WSCD2: variants seen among roughly 807,000 people sequenced by gnomAD.
WSCD2 encodes WSC domain sialate O sulfotransferase 2, also known as sialate:O-sulfotransferase 2.
WSCD2 carries 28 observed loss-of-function variants against 55.7 expected under a neutral mutation model. That is an observed-to-expected ratio of 0.50 (90% CI 0.37 to 0.69). WSCD2 has a LOEUF of 0.69. WSCD2 is among the 30% of genes least tolerant of loss of function. The pLI is 0.00. For missense variants in WSCD2, 616 were observed against 762.1 expected (o/e 0.81, Z 2.26); for synonymous variants, 301 against 301.9 (o/e 1.00, Z 0.03).
chr12:108,211,785 C>T (rs1378022763), intron 4 of WSCD2, among the ~76,000 whole-genome samples: 1 of 150,236 alleles, frequency 6.7e-6, no homozygotes, highest in Admixed American at 6.6e-5. Context: ...TCCCAAGTAG[C>T]TGGGATTAGA....
intron 6 of WSCD2, among the ~76,000 whole-genome samples, chr12:108,229,677 C>CA (rs1396996730): frequency 1.3e-5 from 2 of 152,176 alleles, no homozygotes; most frequent in East Asian, 3.8e-4. Flanking sequence ...ATACTGCCTG[C>CA]AACAGTTGCT....
chr12:108,179,518 G>A (rs1362189315), intron 1 of WSCD2, among the ~76,000 whole-genome samples: 1 of 152,234 alleles, frequency 6.6e-6, no homozygotes. Context: ...AGACTTTAAA[G>A]ACCAGCTTGC....
At chr12:108,230,415 T>G (rs987188252) in intron 6 of WSCD2, among the ~76,000 whole-genome samples, 1 of 152,186 alleles carries the variant, frequency 6.6e-6, no homozygotes, top group African/African-American at 2.4e-5. Context: ...CAATCGATTC[T>G]GTGGGCAATT....
At chr12:108,207,002 C>A (rs1222917186) in intron 3 of WSCD2, among the ~76,000 whole-genome samples, 1 of 152,136 alleles carries the variant, frequency 6.6e-6, no homozygotes, top group Non-Finnish European at 1.5e-5. Flanking sequence ...TTGTTTTTCT[C>A]CAAGGGAGAA....
intron 8 of WSCD2, among the ~76,000 whole-genome samples, chr12:108,243,500 C>T (rs1889900729): frequency 6.6e-6 from 1 of 152,200 alleles, no homozygotes; most frequent in South Asian, 2.1e-4. Flanking sequence ...TCCCGAAGTG[C>T]TGGGATTACA....
At chr12:108,228,165 G>C (rs4964240) in intron 6 of WSCD2, among the ~76,000 whole-genome samples, 104,178 of 152,020 alleles carry the variant, frequency 0.69, 36,189 homozygotes, top group East Asian at 0.87. Context: ...ATCATGAAGG[G>C]TGGGTGGCAC....
intron 1 of WSCD2, among the ~76,000 whole-genome samples, chr12:108,132,810 A>G: frequency 6.6e-6 from 1 of 152,220 alleles, no homozygotes; most frequent in Non-Finnish European, 1.5e-5. Context: ...ACATGTGCAT[A>G]CAGCCATGTG....
At chr12:108,194,855 G>T (rs1167101188) in intron 1 of WSCD2, among the ~76,000 whole-genome samples, 1 of 152,170 alleles carries the variant, frequency 6.6e-6, no homozygotes, top group Non-Finnish European at 1.5e-5. Flanking sequence ...GAAAAAAAAT[G>T]AATGAATCTG....
intron 1 of WSCD2, among the ~76,000 whole-genome samples, chr12:108,145,212 C>G (rs977639495): frequency 2.0e-5 from 3 of 152,188 alleles, no homozygotes; most frequent in Non-Finnish European, 4.4e-5. Flanking sequence ...CACTCAACCC[C>G]CACCCCTCTT....
At chr12:108,144,650 G>A (rs1404213240) in intron 1 of WSCD2, among the ~76,000 whole-genome samples, 1 of 152,154 alleles carries the variant, frequency 6.6e-6, no homozygotes, top group African/African-American at 2.4e-5. Flanking sequence ...CCTTCTAGGT[G>A]TCAGGAGCAT....
In WSCD2 at chr12:108,249,162, G is replaced by A. The variant is rs1890288347; in HGVS notation, c.*819G>A. On this transcript the variant is annotated 3_prime_UTR_variant, in exon 9 of 9. Transcript: ENST00000547525. ...CGAGGATGGTCACATGCCATGTGCAGAATTTGACTTAAGAGAGAGCCCCAG... is the reference window on the plus strand; with the variant it reads ...CGAGGATGGTCACATGCCATGTGCAAAATTTGACTTAAGAGAGAGCCCCAG... 1 of 154,080 alleles carries A rather than the reference G, an allele frequency of 6.5e-6. No homozygotes were observed. Among genetic ancestry groups the A allele is most frequent in the African/African-American group, 2.4e-5 (1 of 41,478 alleles). 9.5% of individuals were successfully genotyped at this position (154,080 alleles called of 1,614,324 possible).
intron 4 of WSCD2, among the ~76,000 whole-genome samples, chr12:108,211,012 G>A (rs1251190328): frequency 1.3e-5 from 2 of 152,232 alleles, no homozygotes; most frequent in Non-Finnish European, 2.9e-5. Flanking sequence ...GGACTGGGGA[G>A]GAATGTTTAA....
chr12:108,161,741 T>C (rs1565925450), intron 1 of WSCD2, among the ~76,000 whole-genome samples: 1 of 152,330 alleles, frequency 6.6e-6, no homozygotes, highest in East Asian at 1.9e-4. Context: ...CTTGTTTTGT[T>C]ATTCCTATGA....
intron 4 of WSCD2, among the ~76,000 whole-genome samples, chr12:108,212,549 CA>C (rs1399449189): frequency 6.6e-6 from 1 of 151,808 alleles, no homozygotes; most frequent in Non-Finnish European, 1.5e-5. Context: ...TTCTCTCCCC[CA>C]CCTTCCTCCC....
At chr12:108,229,755 G>A (rs546386948) in intron 6 of WSCD2, among the ~76,000 whole-genome samples, 57 of 152,008 alleles carry the variant, frequency 3.7e-4, no homozygotes, top group African/African-American at 1.3e-3. Context: ...TTTTACCTTC[G>A]GGTTGGCCTT....
rs1193323025 is a variant in WSCD2, at chr12:108,227,311, TTA to T, written c.979+148_979+149del. The T allele has an allele frequency of 4.1e-6, 4 of 968,728 alleles. No homozygotes were observed. In the African/African-American group the frequency reaches 6.6e-5, roughly 16 times the overall value. 60.0% of individuals were successfully genotyped at this position (968,728 alleles called of 1,614,324 possible). A position where few individuals can be genotyped will look rare whatever the true frequency, so the allele number is the denominator to read the frequency against. The stretch of plus-strand genomic sequence containing the variant: ...GCAGGGCTGATGAACTCCACCAGGC[TTA>T]GAGTTCCTGGATGGGCAACAGAAGG... On this transcript the variant is annotated intron_variant, in intron 6 of 8. Coordinates refer to ENST00000547525, the MANE Select transcript of WSCD2 (RefSeq NM_014653.4).
Position 108,196,039 on chromosome 12 carries a change from C to T in WSCD2, c.207C>T (p.Asp69=), listed in dbSNP as rs771811964. 6.2e-7 allele frequency: 1 copy of T among 1,614,220 alleles called. No homozygotes were observed. Among genetic ancestry groups the T allele is most frequent in the East Asian group, 2.2e-5 (1 of 44,886 alleles). The change falls in exon 2 of 9, where the codon GAC becomes GAT. Residue 69 remains aspartate, a synonymous_variant. Transcript: ENST00000547525. ...AEGAELSFLG[D]MHLGRGFRDT... ...GTGCTGAGCTGTCCTTCTTGGGTGACATGCATCTGGGCAGAGGTTTCCGGG... is the reference window on the plus strand; with the variant it reads ...GTGCTGAGCTGTCCTTCTTGGGTGATATGCATCTGGGCAGAGGTTTCCGGG...
intron 4 of WSCD2, among the ~76,000 whole-genome samples, chr12:108,214,877 GT>G (rs2137121507): frequency 6.6e-6 from 1 of 152,298 alleles, no homozygotes; most frequent in East Asian, 1.9e-4. Flanking sequence ...TTTGTGTACT[GT>G]TGTTAATTCC....
chr12:108,142,328 C>G (rs1370474143), intron 1 of WSCD2, among the ~76,000 whole-genome samples: 2 of 152,168 alleles, frequency 1.3e-5, no homozygotes, highest in Admixed American at 6.5e-5. Context: ...TCTACTCCCT[C>G]CCTGGCCTCC....
Sources: gnomAD v4.1 joint callset for allele counts (sites outside exome capture counted in the v4.1 genomes callset) on GRCh38, gnomAD v4.1.1 for gene constraint, MANE v1.5 for transcripts, NCBI Gene and HGNC (gene_info 2026-07-23, HGNC 2026-07-21) for gene names.